The following BAZ1A variants were observed in gnomAD, a reference collection of about 807,000 sequenced individuals.
The protein encoded by BAZ1A is bromodomain adjacent to zinc finger domain protein 1A.
Under a neutral mutation model 185.2 loss-of-function variants are expected in BAZ1A, and 50 were observed. That is an observed-to-expected ratio of 0.27 (90% CI 0.22 to 0.34). The LOEUF (loss-of-function observed/expected upper bound fraction) is 0.34. BAZ1A is among the 10% of genes least tolerant of loss of function. The pLI is 1.00. For synonymous variants in BAZ1A, 571 were observed against 615.6 expected (o/e 0.93, Z 1.07); for missense variants, 1,356 against 1,839.9 (o/e 0.74, Z 4.81).
intron 24 of BAZ1A, 95 bp from the exon 25 acceptor site, chr14:34,758,941 A>G: frequency 1.6e-6 from 2 of 1,266,592 alleles, no homozygotes; most frequent in Non-Finnish European, 2.2e-6. Flanking sequence ...ATTCCAACAG[A>G]AAATAGACAC....
At chr14:34,816,973 A>G (rs2042015595) in intron 4 of BAZ1A, 1 of 238,946 alleles carries the variant, frequency 4.2e-6, no homozygotes. Flanking sequence ...AGCGGACAAT[A>G]TAACATTACT....
chr14:34,844,596 G>A lies in BAZ1A; in HGVS notation c.392+17448C>T, dbSNP rs576324016. On this transcript the variant is annotated intron_variant, in intron 3 of 26. Coordinates refer to ENST00000360310, the MANE Select transcript of BAZ1A (RefSeq NM_013448.3). The stretch of plus-strand genomic sequence containing the variant: ...GTTTGAGACCAGCCTGGGCAACGCA[G>A]GGAGACCCTGTTTCTACAAAAAAAA... 5.3e-5 allele frequency among the ~76,000 whole-genome samples: 8 copies of A among 150,980 alleles called. No homozygotes were observed. The South Asian group carries it at 1.7e-3, about 32-fold the overall frequency.
At position 34,755,826 on chromosome 14, in the gene BAZ1A, T is replaced by C. The variant is rs1391437458; in HGVS notation, c.4387-912A>G. On this transcript the variant is annotated intron_variant, in intron 25 of 26. Coordinates refer to ENST00000360310, the MANE Select transcript of BAZ1A (RefSeq NM_013448.3). ...TAATACCTATCTTTTTTTTTTTTTT[T>C]CCTTTTCCTTTGGAGACAGGGTCTT... Among the ~76,000 whole-genome samples, 3 of 150,910 alleles carry C rather than the reference T, an allele frequency of 2.0e-5. 1 individual carries two copies. Among genetic ancestry groups the C allele is most frequent in the Non-Finnish European group, 4.4e-5 (3 of 67,780 alleles).
At chr14:34,802,513 C>A (rs72678744) in intron 7 of BAZ1A, among the ~76,000 whole-genome samples, 9,356 of 152,180 alleles carry the variant, frequency 0.061, 759 homozygotes, top group East Asian at 0.42. Flanking sequence ...TTTTTAAAGC[C>A]CCCTATAGCT....
chr14:34,768,846 T>G (rs1879027682), intron 21 of BAZ1A: 1 of 299,874 alleles, frequency 3.3e-6, no homozygotes. Flanking sequence ...TAAGCATAAG[T>G]ATGACTTTAA....
chr14:34,800,433 A>G, intron 8 of BAZ1A, 43 bp from the exon 9 acceptor site: 3 of 1,419,704 alleles, frequency 2.1e-6, no homozygotes, highest in Non-Finnish European at 2.8e-6. Flanking sequence ...TATAGACAAA[A>G]TAACACTTGG....
At chr14:34,810,003 GC>G (rs2041907733) in intron 5 of BAZ1A, among the ~76,000 whole-genome samples, 1 of 151,972 alleles carries the variant, frequency 6.6e-6, no homozygotes, top group South Asian at 2.1e-4. Flanking sequence ...CTAATGATGA[GC>G]CCCCCAAAAC....
intron 11 of BAZ1A, among the ~76,000 whole-genome samples, chr14:34,794,057 T>G (rs966129916): frequency 2.6e-5 from 4 of 151,642 alleles, no homozygotes; most frequent in African/African-American, 9.7e-5. Flanking sequence ...GCTTGAACCC[T>G]GGAGGTGGAG....
intron 4 of BAZ1A, among the ~76,000 whole-genome samples, chr14:34,816,098 T>C (rs1466503527): frequency 2.1e-5 from 3 of 143,764 alleles, no homozygotes; most frequent in Non-Finnish European, 4.6e-5. Context: ...TTTTTTTTTT[T>C]TTTTTTTGAG....
chr14:34,842,947 G>C (rs2042439821), intron 3 of BAZ1A, among the ~76,000 whole-genome samples: 1 of 151,704 alleles, frequency 6.6e-6, no homozygotes. Flanking sequence ...TTTGAGGGGT[G>C]CCCACTCATT....
chr14:34,829,424 A>C (rs1004365320), intron 3 of BAZ1A, among the ~76,000 whole-genome samples: 1 of 152,130 alleles, frequency 6.6e-6, no homozygotes, highest in African/African-American at 2.4e-5. Context: ...ATAAAAAAAA[A>C]GACCATTTCA....
chr14:34,847,888 C>T (rs942933517), intron 3 of BAZ1A, among the ~76,000 whole-genome samples: 1 of 152,156 alleles, frequency 6.6e-6, no homozygotes, highest in African/African-American at 2.4e-5. Flanking sequence ...GAGATAGTGT[C>T]TCGCTCTGTC....
intron 25 of BAZ1A, among the ~76,000 whole-genome samples, chr14:34,755,162 A>G (rs1287793809): frequency 6.6e-6 from 1 of 152,170 alleles, no homozygotes; most frequent in African/African-American, 2.4e-5. Context: ...AGAAGAAAAA[A>G]AATTCTTCAA....
chr14:34,756,807 G>A (rs1886271321), intron 25 of BAZ1A, among the ~76,000 whole-genome samples: 1 of 151,924 alleles, frequency 6.6e-6, no homozygotes, highest in Non-Finnish European at 1.5e-5. Context: ...TGTGCTCTCT[G>A]GGCCAGGACC....
intron 4 of BAZ1A, among the ~76,000 whole-genome samples, chr14:34,817,651 A>G (rs1267337493): frequency 2.0e-5 from 3 of 152,218 alleles, no homozygotes. Context: ...CAACAAAAAG[A>G]CAAACAACCC....
chr14:34,850,519 C>A (rs1397998092), intron 3 of BAZ1A, among the ~76,000 whole-genome samples: 1 of 152,170 alleles, frequency 6.6e-6, no homozygotes, highest in Admixed American at 6.6e-5. Flanking sequence ...AGGTAAAGCA[C>A]ATGGATGAAC....
At chr14:34,754,700 C>T (rs1886167041) in intron 26 of BAZ1A, 127 bp downstream of exon 26, 3 of 594,090 alleles carry the variant, frequency 5.0e-6, no homozygotes, top group Non-Finnish European at 8.6e-6. Flanking sequence ...TACACAACTA[C>T]ATCAACACAC....
chr14:34,830,763 C>A (rs2042229735), intron 3 of BAZ1A, among the ~76,000 whole-genome samples: 4 of 146,796 alleles, frequency 2.7e-5, no homozygotes. Context: ...TATATCTCTA[C>A]AACTCCTTTT....
chr14:34,753,312 T>TAG lies in BAZ1A; in HGVS notation c.*194_*195dup. ...TATCCAATACATCTATCAAACTTAT[T>TAG]AGATACTGAACAAAACTGTAGCAAA... is the stretch of plus-strand genomic sequence containing the variant. On this transcript the variant is annotated 3_prime_UTR_variant, in exon 27 of 27. Coordinates refer to ENST00000360310, the MANE Select transcript of BAZ1A (RefSeq NM_013448.3). 1.7e-6 allele frequency: 1 copy of TAG among 574,894 alleles called. No individual in the cohort carries two copies. The highest frequency in any genetic ancestry group is 3.0e-6 in the Non-Finnish European group (1 of 330,044). 35.6% of individuals were successfully genotyped at this position (574,894 alleles called of 1,614,324 possible). A position where few individuals can be genotyped will look rare whatever the true frequency, so the allele number is the denominator to read the frequency against.
Sources: gnomAD v4.1 joint callset for allele counts (sites outside exome capture counted in the v4.1 genomes callset) on GRCh38, gnomAD v4.1.1 for gene constraint, MANE v1.5 for transcripts, NCBI Gene and HGNC (gene_info 2026-07-23, HGNC 2026-07-21) for gene names.